The following HCN1 variants were observed in gnomAD, a reference collection of about 807,000 sequenced individuals.
The protein encoded by HCN1 is potassium/sodium hyperpolarization-activated cyclic nucleotide-gated channel 1.
HCN1 carries 13 observed loss-of-function variants against 78.9 expected under a neutral mutation model. The observed-to-expected ratio is 0.16, with a 90% CI of 0.11 to 0.26. The LOEUF (loss-of-function observed/expected upper bound fraction) is 0.26, where lower values mean the gene tolerates loss of function less well. Ranked by LOEUF, HCN1 falls within the 10% of genes least tolerant of loss-of-function variation. The pLI is 1.00. For synonymous variants in HCN1, 552 were observed against 455.5 expected, an observed-to-expected ratio of 1.21 and a Z score of -2.70; for missense variants, 810 against 1,154.3, an observed-to-expected ratio of 0.70 and a Z score of 4.32.
At chr5:45,539,710 T>G (rs1284949110) in intron 2 of HCN1, among the ~76,000 whole-genome samples, 1 of 148,312 alleles carries the variant, frequency 6.7e-6, no homozygotes, top group South Asian at 2.1e-4. Context: ...TTATTTTAAA[T>G]ATTTTAATAA....
intron 3 of HCN1, among the ~76,000 whole-genome samples, chr5:45,409,243 A>T: frequency 6.6e-6 from 1 of 152,000 alleles, no homozygotes; most frequent in Admixed American, 6.6e-5. Context: ...AAATGAGGGG[A>T]TAAATTTCTT....
chr5:45,569,238 G>T (rs1157439138), intron 2 of HCN1, among the ~76,000 whole-genome samples: 1 of 151,952 alleles, frequency 6.6e-6, no homozygotes, highest in East Asian at 1.9e-4. Flanking sequence ...CATTTCTGTA[G>T]GTTTCAATGT....
chr5:45,480,504 G>C (rs987591525), intron 2 of HCN1, among the ~76,000 whole-genome samples: 1 of 152,120 alleles, frequency 6.6e-6, no homozygotes, highest in Admixed American at 6.5e-5. Context: ...TATATAAAAG[G>C]CTGTCAGCCT....
chr5:45,335,132 C>T (rs1327143648), intron 5 of HCN1, among the ~76,000 whole-genome samples: 1 of 151,976 alleles, frequency 6.6e-6, no homozygotes, highest in African/African-American at 2.4e-5. Flanking sequence ...TCTTCACAAT[C>T]CATTGTTTAA....
In HCN1 at chr5:45,534,404, C is replaced by CAAAAAAAAAAAAAAAAA. The variant is rs71000637; in HGVS notation, c.850-72414_850-72398dup. Among the ~76,000 whole-genome samples the CAAAAAAAAAAAAAAAAA allele has an allele frequency of 5.5e-4, 16 of 29,316 alleles. 5 individuals are homozygous for CAAAAAAAAAAAAAAAAA. Among genetic ancestry groups the CAAAAAAAAAAAAAAAAA allele is most frequent in the Non-Finnish European group, 7.6e-4 (14 of 18,480 alleles). The allele number at this position is 29,316 out of a possible 152,430, so 19.2% of individuals were successfully genotyped here. On this transcript the variant is annotated intron_variant, in intron 2 of 7. Transcript: ENST00000303230. ...TGGGCAACAGAGTGAGACTGCATCT[C>CAAAAAAAAAAAAAAAAA]AAAAAAAAAAAAAAAAAAAAAAAAA...
At chr5:45,372,281 AAT>A (rs1249314357) in intron 4 of HCN1, among the ~76,000 whole-genome samples, 1 of 86,740 alleles carries the variant, frequency 1.2e-5, no homozygotes, top group African/African-American at 4.6e-5. Context: ...TTATATATAT[AAT>A]ATATATTTCA....
intron 2 of HCN1, among the ~76,000 whole-genome samples, chr5:45,549,556 C>A (rs1006460358): frequency 6.6e-6 from 1 of 152,142 alleles, no homozygotes; most frequent in African/African-American, 2.4e-5. Flanking sequence ...AGAAGAAAAC[C>A]TGTGCAATAC....
intron 2 of HCN1, among the ~76,000 whole-genome samples, chr5:45,586,217 G>C (rs1371913549): frequency 6.6e-6 from 1 of 152,040 alleles, no homozygotes; most frequent in East Asian, 1.9e-4. Context: ...CTCAAGCCTC[G>C]GCAATGGCGG....
At chr5:45,450,635 G>T (rs1012111427) in intron 3 of HCN1, among the ~76,000 whole-genome samples, 6 of 152,134 alleles carry the variant, frequency 3.9e-5, no homozygotes, top group African/African-American at 1.4e-4. Context: ...ATAATGAATT[G>T]CAGGTACTAA....
chr5:45,339,950 CTCT>C (rs1176870792), intron 5 of HCN1, among the ~76,000 whole-genome samples: 1 of 151,994 alleles, frequency 6.6e-6, no homozygotes, highest in Admixed American at 6.6e-5. Flanking sequence ...CAGAGTTTTG[CTCT>C]TGTTGCCCAG....
At chr5:45,289,387 A>G (rs1413576615) in intron 6 of HCN1, among the ~76,000 whole-genome samples, 1 of 152,078 alleles carries the variant, frequency 6.6e-6, no homozygotes, top group African/African-American at 2.4e-5. Flanking sequence ...TTGTACTTGC[A>G]TACTTTGTTG....
intron 2 of HCN1, among the ~76,000 whole-genome samples, chr5:45,638,434 A>G (rs16902195): frequency 0.055 from 8,350 of 152,280 alleles, 303 homozygotes; most frequent in East Asian, 0.15. Context: ...TAAAATGGGA[A>G]GCATGAACAT....
chr5:45,532,001 C>T (rs1214590309), intron 2 of HCN1, among the ~76,000 whole-genome samples: 1 of 152,182 alleles, frequency 6.6e-6, no homozygotes, highest in African/African-American at 2.4e-5. Flanking sequence ...GATCGCACCA[C>T]TGCACTCCAG....
chr5:45,472,315 C>T (rs567921545), intron 2 of HCN1, among the ~76,000 whole-genome samples: 169 of 151,760 alleles, frequency 1.1e-3, no homozygotes, highest in Non-Finnish European at 2.0e-3. Flanking sequence ...GAAAATTAAG[C>T]GCTTACTCCA....
At chr5:45,653,454 T>C (rs1052792050) in intron 1 of HCN1, among the ~76,000 whole-genome samples, 3 of 152,176 alleles carry the variant, frequency 2.0e-5, no homozygotes, top group Non-Finnish European at 2.9e-5. Context: ...AATACTGTTT[T>C]AGCCCTTATT....
In HCN1 at chr5:45,506,405, C is replaced by T. The variant is rs182894580; in HGVS notation, c.850-44398G>A. ...TAAAATCCACCTCAAATTTGGTCTT[C>T]AATTTAAAATTTCTTGAAAGTGTAA... On this transcript the variant is annotated intron_variant, in intron 2 of 7. Coordinates refer to ENST00000303230, the MANE Select transcript of HCN1 (RefSeq NM_021072.4). Among the ~76,000 whole-genome samples the T allele has an allele frequency of 4.4e-3, 674 of 152,172 alleles. 7 individuals are homozygous for T. Among genetic ancestry groups the T allele is most frequent in the African/African-American group, 0.015 (618 of 41,554 alleles).
At chr5:45,418,896 C>A (rs1039013398) in intron 3 of HCN1, among the ~76,000 whole-genome samples, 3 of 151,956 alleles carry the variant, frequency 2.0e-5, no homozygotes, top group Non-Finnish European at 4.4e-5. Flanking sequence ...ATAATCAGAT[C>A]CAGAAGTATC....
rs1176452856 is a variant in HCN1, at chr5:45,606,011, T to C, written c.849+39174A>G. Reference sequence around the variant, plus strand: ...GAAATATTAGCTTCACATCCTTTAATTTTTTAACACAAACTTTCACCTCAA... The same window carrying C: ...GAAATATTAGCTTCACATCCTTTAACTTTTTAACACAAACTTTCACCTCAA... On this transcript the variant is annotated intron_variant, in intron 2 of 7. Coordinates refer to ENST00000303230, the MANE Select transcript of HCN1 (RefSeq NM_021072.4). 2.0e-5 allele frequency among the ~76,000 whole-genome samples: 3 copies of C among 152,012 alleles called. 1 individual carries two copies. The highest frequency in any genetic ancestry group is 4.4e-5 in the Non-Finnish European group (3 of 67,948).
At chr5:45,462,610 T>TA (rs1478809471) in intron 2 of HCN1, among the ~76,000 whole-genome samples, 1 of 152,100 alleles carries the variant, frequency 6.6e-6, no homozygotes, top group Non-Finnish European at 1.5e-5. Context: ...GCAACACTTT[T>TA]AAAAATCATA....
Sources: allele counts gnomAD v4.1 joint callset (sites outside exome capture counted in the v4.1 genomes callset), GRCh38; gene constraint gnomAD v4.1.1; transcripts MANE v1.5; gene names NCBI Gene and HGNC (gene_info 2026-07-23, HGNC 2026-07-21).